DLGAP2: variants seen among roughly 807,000 people sequenced by gnomAD.
DLGAP2 encodes disks large-associated protein 2.
DLGAP2 carries 26 observed loss-of-function variants against 100.3 expected under a neutral mutation model. The ratio of observed to expected loss-of-function variants is 0.26; its 90% CI spans 0.19 to 0.36. DLGAP2 has a LOEUF of 0.36. Ranked by LOEUF, DLGAP2 falls within the 10% of genes least tolerant of loss-of-function variation. The pLI is 1.00. For missense variants in DLGAP2, 1,858 were observed against 1,453.2 expected (o/e 1.28, Z -4.53); for synonymous variants, 886 against 630.1 (o/e 1.41, Z -6.08).
intron 2 of DLGAP2, among the ~76,000 whole-genome samples, chr8:958,004 C>T (rs1387007039): frequency 6.6e-6 from 1 of 152,186 alleles, no homozygotes; most frequent in East Asian, 1.9e-4. Flanking sequence ...TCCGTCATCC[C>T]TGTAGAAACT....
chr8:792,597 G>A (rs1014250850), intron 1 of DLGAP2, among the ~76,000 whole-genome samples: 2 of 152,032 alleles, frequency 1.3e-5, no homozygotes, highest in South Asian at 2.1e-4. Context: ...AGGTTCATTC[G>A]CTCAGAAAAT....
chr8:1,506,282 C>T (rs1442793542), intron 4 of DLGAP2, among the ~76,000 whole-genome samples: 1 of 152,162 alleles, frequency 6.6e-6, no homozygotes, highest in Non-Finnish European at 1.5e-5. Flanking sequence ...ATTTTATCGT[C>T]CATACTTATT....
chr8:854,509 G>A (rs1415905501), intron 1 of DLGAP2, among the ~76,000 whole-genome samples: 8 of 152,110 alleles, frequency 5.3e-5, no homozygotes, highest in African/African-American at 9.7e-5. Flanking sequence ...GTGGGTGAGA[G>A]TGAGAGAGTG....
chr8:1,304,809 A>G (rs142822957), intron 3 of DLGAP2, among the ~76,000 whole-genome samples: 41 of 152,310 alleles, frequency 2.7e-4, no homozygotes, highest in African/African-American at 9.1e-4. Flanking sequence ...GTGGATCATC[A>G]TCAATTATAA....
chr8:1,227,049 C>T (rs1366025506), intron 2 of DLGAP2, among the ~76,000 whole-genome samples: 2 of 149,016 alleles, frequency 1.3e-5, no homozygotes, highest in African/African-American at 5.1e-5. Context: ...GGAAATATAT[C>T]TGCACTCCCT....
At chr8:1,101,304 G>A (rs1804571139) in intron 2 of DLGAP2, among the ~76,000 whole-genome samples, 1 of 152,198 alleles carries the variant, frequency 6.6e-6, no homozygotes, top group Non-Finnish European at 1.5e-5. Context: ...AGGAGCAGGG[G>A]GGCCATTTGT....
intron 6 of DLGAP2, among the ~76,000 whole-genome samples, chr8:1,579,361 A>T (rs547872128): frequency 2.6e-5 from 4 of 152,272 alleles, no homozygotes; most frequent in East Asian, 1.9e-4. Context: ...GTATATGAGT[A>T]TTCTGTACTC....
At chr8:888,018 A>G (rs1460174756) in intron 1 of DLGAP2, among the ~76,000 whole-genome samples, 1 of 151,934 alleles carries the variant, frequency 6.6e-6, no homozygotes, top group African/African-American at 2.4e-5. Context: ...ACTCCAATCA[A>G]TCGTAGGTTT....
intron 3 of DLGAP2, among the ~76,000 whole-genome samples, chr8:1,291,780 A>G (rs553994675): frequency 3.3e-5 from 5 of 152,074 alleles, no homozygotes; most frequent in Non-Finnish European, 7.4e-5. Flanking sequence ...CCCGGGGGCC[A>G]GTTTTCATCA....
chr8:1,067,914 A>G (rs1803308544), intron 2 of DLGAP2, among the ~76,000 whole-genome samples: 1 of 152,082 alleles, frequency 6.6e-6, no homozygotes, highest in Non-Finnish European at 1.5e-5. Flanking sequence ...AGCAGCCCAC[A>G]GAGGAGTTTC....
intron 3 of DLGAP2, among the ~76,000 whole-genome samples, chr8:1,268,982 G>A (rs1197148831): frequency 1.3e-5 from 2 of 152,188 alleles, no homozygotes; most frequent in Non-Finnish European, 2.9e-5. Flanking sequence ...TAGCTCAGCC[G>A]TAGTCCTTGG....
At chr8:1,467,144 G>C (rs1232557406) in intron 3 of DLGAP2, among the ~76,000 whole-genome samples, 3 of 151,724 alleles carry the variant, frequency 2.0e-5, no homozygotes, top group Non-Finnish European at 4.4e-5. Context: ...GGGAGGGTCA[G>C]TCCCAGATCC....
At chr8:955,203 G>A (rs1206000479) in intron 2 of DLGAP2, among the ~76,000 whole-genome samples, 4 of 152,082 alleles carry the variant, frequency 2.6e-5, no homozygotes, top group Non-Finnish European at 5.9e-5. Flanking sequence ...TTTGCTTCCC[G>A]AAGACTGCGA....
intron 2 of DLGAP2, among the ~76,000 whole-genome samples, chr8:1,096,286 G>C (rs1178355148): frequency 6.6e-6 from 1 of 152,210 alleles, no homozygotes; most frequent in Non-Finnish European, 1.5e-5. Context: ...CCTTTGCTCA[G>C]ACCTCTCCCA....
At chr8:1,628,058 C>T (rs545364728) in intron 7 of DLGAP2, among the ~76,000 whole-genome samples, 168 of 111,512 alleles carry the variant, frequency 1.5e-3, no homozygotes, top group African/African-American at 6.3e-3. Flanking sequence ...GAGCTTGAGC[C>T]AACCTCACAT....
In DLGAP2 at chr8:1,678,839, G is replaced by A. The variant is rs1211812842; in HGVS notation, c.2704+210G>A. 5.7e-6 allele frequency: 3 copies of A among 524,618 alleles called. No individual in the cohort carries two copies. The African/African-American group carries it at 5.9e-5, about 10-fold the overall frequency. The allele number at this position is 524,618 out of a possible 1,614,324, so 32.5% of individuals were successfully genotyped here. ...GTCACTACGATATCGAAGGAAAATT[G>A]TGTGTGTTTTGTCAGGTAAGTTGAA... On this transcript the variant is annotated intron_variant, in intron 12 of 14. Coordinates refer to ENST00000637795, the MANE Select transcript of DLGAP2 (RefSeq NM_001346810.2).
intron 6 of DLGAP2, among the ~76,000 whole-genome samples, chr8:1,588,114 A>G (rs765615444): frequency 3.9e-5 from 6 of 152,182 alleles, no homozygotes; most frequent in South Asian, 2.1e-4. Flanking sequence ...ACCATTCCTT[A>G]AATATGAGTC....
chr8:1,144,865 A>G (rs560998744), intron 2 of DLGAP2, among the ~76,000 whole-genome samples: 2 of 115,796 alleles, frequency 1.7e-5, no homozygotes, highest in Non-Finnish European at 1.8e-5. Context: ...GGCCTGTATG[A>G]ACAGTCAAAC....
At chr8:835,891 T>TAGGG (rs1210150546) in intron 1 of DLGAP2, among the ~76,000 whole-genome samples, 5 of 152,290 alleles carry the variant, frequency 3.3e-5, no homozygotes, top group Admixed American at 2.0e-4. Context: ...GCTTTCCTGT[T>TAGGG]ACGCTGCCGT....
Sources: allele counts gnomAD v4.1 joint callset (sites outside exome capture counted in the v4.1 genomes callset), GRCh38; gene constraint gnomAD v4.1.1; transcripts MANE v1.5; gene names NCBI Gene and HGNC (gene_info 2026-07-23, HGNC 2026-07-21).